DDX50: variants seen among roughly 807,000 people sequenced by gnomAD.
The protein encoded by DDX50 is DExD-box helicase 50, also known as ATP-dependent RNA helicase DDX50.
DDX50 carries 56 observed loss-of-function variants against 94.8 expected under a neutral mutation model. That is an observed-to-expected ratio of 0.59 (90% CI 0.48 to 0.74). The LOEUF is 0.74. Among genes scored for constraint, DDX50 ranks in the 30% least tolerant of loss-of-function variants. The probability of loss-of-function intolerance (pLI) is 0.00; values close to 1 mark genes in which losing one functional copy is unlikely to be tolerated. For missense variants in DDX50, 713 were observed against 881.2 expected, an observed-to-expected ratio of 0.81 and a Z score of 2.42; for synonymous variants, 264 against 295.4, an observed-to-expected ratio of 0.89 and a Z score of 1.09.
At chr10:68,937,200 T>A in intron 12 of DDX50, 105 bp downstream of exon 12, 1 of 1,252,748 alleles carries the variant, frequency 8.0e-7, no homozygotes, top group Non-Finnish European at 1.1e-6. Context: ...AAAAACTGTT[T>A]TGCTCTATGA....
chr10:68,919,021 C>G (rs1841877310), intron 7 of DDX50, among the ~76,000 whole-genome samples: 1 of 152,098 alleles, frequency 6.6e-6, no homozygotes, highest in Non-Finnish European at 1.5e-5. Context: ...GTGTTCAGTA[C>G]AGTAACATGC....
chr10:68,936,158 C>A, intron 11 of DDX50, 79 bp downstream of exon 11: 2 of 1,202,520 alleles, frequency 1.7e-6, no homozygotes, highest in Non-Finnish European at 2.3e-6. Context: ...GTTCAAATAG[C>A]AGAAAATTTT....
intron 7 of DDX50, among the ~76,000 whole-genome samples, chr10:68,919,255 CATA>C (rs1334856308): frequency 6.6e-6 from 1 of 152,180 alleles, no homozygotes; most frequent in Non-Finnish European, 1.5e-5. Context: ...ATTCACTTAG[CATA>C]ATGTTTTTGA....
chr10:68,926,815 A>G (rs1201705571), intron 8 of DDX50, among the ~76,000 whole-genome samples: 9 of 150,024 alleles, frequency 6.0e-5, no homozygotes, highest in Admixed American at 6.0e-4. Flanking sequence ...ACACTTTTGG[A>G]AAAAAAAATT....
intron 12 of DDX50, among the ~76,000 whole-genome samples, chr10:68,940,607 G>C (rs1374246755): frequency 1.3e-5 from 2 of 151,508 alleles, no homozygotes. Flanking sequence ...TGTAGCAATG[G>C]TTATTTCACC....
intron 8 of DDX50, among the ~76,000 whole-genome samples, chr10:68,933,827 C>T (rs886462084): frequency 1.5e-4 from 22 of 151,478 alleles, no homozygotes; most frequent in Non-Finnish European, 2.9e-4. Context: ...CCCAGCTACT[C>T]GGGAGGCTGA....
intron 8 of DDX50, among the ~76,000 whole-genome samples, chr10:68,923,002 G>C (rs566166560): frequency 6.7e-6 from 1 of 149,112 alleles, no homozygotes; most frequent in South Asian, 2.1e-4. Context: ...TATTGGCCAG[G>C]CTGGTCTCAA....
At chr10:68,927,757 C>G (rs1440623350) in intron 8 of DDX50, among the ~76,000 whole-genome samples, 3 of 152,168 alleles carry the variant, frequency 2.0e-5, no homozygotes, top group Non-Finnish European at 4.4e-5. Flanking sequence ...TTGAGACTAG[C>G]GTGGGCATTT....
Position 68,934,424 on chromosome 10 carries a change from A to G in DDX50, c.1401+64A>G, listed in dbSNP as rs1842354011. The G allele has an allele frequency of 6.3e-7, 1 of 1,596,640 alleles. No homozygotes were observed. Among genetic ancestry groups the G allele is most frequent in the African/African-American group, 1.3e-5 (1 of 74,080 alleles). ...TTTTATAAATTCCCATTTAATTTACAACATATTGCTTGGGATGTGAAAAAT... is the reference window on the plus strand; with the variant it reads ...TTTTATAAATTCCCATTTAATTTACGACATATTGCTTGGGATGTGAAAAAT... On this transcript the variant is annotated intron_variant, in intron 9 of 14. Coordinates refer to ENST00000373585, the MANE Select transcript of DDX50 (RefSeq NM_024045.2). This position sits in a 1 kb window ranked among gnomAD's most constrained non-coding sequence, Gnocchi z 4.0.
intron 8 of DDX50, among the ~76,000 whole-genome samples, chr10:68,923,475 G>A (rs1841996462): frequency 2.6e-5 from 4 of 151,202 alleles, no homozygotes; most frequent in Admixed American, 1.3e-4. Flanking sequence ...CAAAGTGCTG[G>A]GATTACAGTC....
intron 8 of DDX50, among the ~76,000 whole-genome samples, chr10:68,932,587 T>C (rs1842301043): frequency 6.6e-6 from 1 of 152,114 alleles, no homozygotes; most frequent in Non-Finnish European, 1.5e-5. Context: ...TTTTTGACTT[T>C]AATATAGTGG....
At chr10:68,913,052 A>G in intron 4 of DDX50, 110 bp from the exon 5 acceptor site, 1 of 799,890 alleles carries the variant, frequency 1.3e-6, no homozygotes, top group Middle Eastern at 3.8e-4. Flanking sequence ...ATACTTCGAC[A>G]TTAATGTTGA....
At chr10:68,908,532 A>G (rs1589249596) in intron 2 of DDX50, among the ~76,000 whole-genome samples, 1 of 151,084 alleles carries the variant, frequency 6.6e-6, no homozygotes, top group Admixed American at 6.6e-5. Context: ...TTTTATGTGC[A>G]TAGAGTGAAG....
At chr10:68,907,045 T>C (rs370067951) in intron 2 of DDX50, 38 bp downstream of exon 2, 12 of 1,552,040 alleles carry the variant, frequency 7.7e-6, no homozygotes, top group Non-Finnish European at 9.5e-6. Flanking sequence ...ACATTGTTGT[T>C]GAACTATAGG....
chr10:68,935,801 C>G (rs960869329), intron 10 of DDX50, among the ~76,000 whole-genome samples: 2 of 152,100 alleles, frequency 1.3e-5, no homozygotes, highest in Non-Finnish European at 2.9e-5. Flanking sequence ...CGCCACTGCA[C>G]TCCAGCCTGG....
intron 1 of DDX50, among the ~76,000 whole-genome samples, chr10:68,905,781 C>T (rs1001334871): frequency 5.9e-5 from 9 of 152,126 alleles, no homozygotes; most frequent in East Asian, 3.9e-4. Context: ...GGCATGGTGG[C>T]GTATGCCTGT....
intron 11 of DDX50, 60 bp downstream of exon 11, chr10:68,936,139 G>A (rs1842401122): frequency 2.2e-6 from 3 of 1,376,850 alleles, no homozygotes; most frequent in Non-Finnish European, 3.0e-6. Context: ...TCATCTGTAA[G>A]CTCTCCCAGT....
chr10:68,929,623 A>C (rs1252395866), intron 8 of DDX50, among the ~76,000 whole-genome samples: 2 of 149,952 alleles, frequency 1.3e-5, no homozygotes, highest in Non-Finnish European at 3.0e-5. Context: ...ACGAGGTTTC[A>C]CCATTTTGGC....
rs1465516224 is a variant in DDX50, at chr10:68,901,356, T to G, written c.-29T>G. On this transcript the variant is annotated 5_prime_UTR_variant, in exon 1 of 15. Coordinates refer to ENST00000373585, the MANE Select transcript of DDX50 (RefSeq NM_024045.2). ...TGCCCGTAGGTGGTTGTGGCCACTG[T>G]GCCCGGAGGGAGGCGGCGGTGGCCA... 6.6e-7 allele frequency: 1 copy of G among 1,525,270 alleles called. No homozygotes were observed. The highest frequency in any genetic ancestry group is 2.1e-5 in the Admixed American group (1 of 48,202). 94.5% of individuals were successfully genotyped at this position (1,525,270 alleles called of 1,614,324 possible).
Sources: gnomAD v4.1 joint callset for allele counts (sites outside exome capture counted in the v4.1 genomes callset) on GRCh38, gnomAD v4.1.1 for gene constraint, Gnocchi (gnomAD v3.1) non-coding constraint, MANE v1.5 for transcripts, NCBI Gene and HGNC (gene_info 2026-07-23, HGNC 2026-07-21) for gene names.